Variants in STIL observed in about 807,000 individuals in gnomAD.
The protein encoded by STIL is SCL-interrupting locus protein.
STIL carries 55 observed loss-of-function variants against 110.1 expected under a neutral mutation model. The observed-to-expected ratio is 0.50, with a 90% CI of 0.40 to 0.63. The LOEUF (loss-of-function observed/expected upper bound fraction) is 0.63, where lower values mean the gene tolerates loss of function less well. Among genes scored for constraint, STIL ranks in the 20% least tolerant of loss-of-function variants. STIL has a pLI of 0.00. For missense variants in STIL, 1,358 were observed against 1,530.0 expected (o/e 0.89, Z 1.87); for synonymous variants, 481 against 530.0 (o/e 0.91, Z 1.27).
upstream of STIL, among the ~76,000 whole-genome samples, chr1:47,314,479 A>C (rs552712538): frequency 4.6e-5 from 7 of 152,372 alleles, no homozygotes; most frequent in South Asian, 6.2e-4. Context: ...AGCGAGTGGC[A>C]GATGAAGCCG....
intron 15 of STIL, among the ~76,000 whole-genome samples, chr1:47,262,084 AAAGT>A (rs1413413594): frequency 6.6e-6 from 1 of 152,148 alleles, no homozygotes; most frequent in African/African-American, 2.4e-5. Flanking sequence ...TCACTTTCTC[AAAGT>A]AAGAATGACC....
At chr1:47,259,479 C>CG (rs1644423610) in intron 16 of STIL, among the ~76,000 whole-genome samples, 1 of 151,316 alleles carries the variant, frequency 6.6e-6, no homozygotes, top group Admixed American at 6.6e-5. Flanking sequence ...TTAGTAGAGA[C>CG]GGGGTTTCAC....
intron 13 of STIL, among the ~76,000 whole-genome samples, chr1:47,271,765 C>G (rs1257734993): frequency 6.6e-6 from 1 of 151,158 alleles, no homozygotes. Flanking sequence ...TGAGAGTGCA[C>G]CACACTGCAC....
rs756376012 is a variant in STIL, at chr1:47,251,922, A to G, written c.3081T>C (p.Ser1027=). Residue 1027 remains serine, a splice_region_variant and synonymous_variant, in exon 17 of 17, where the codon AGT becomes AGC. Coordinates refer to ENST00000371877, the MANE Select transcript of STIL (RefSeq NM_001048166.1). ...CTTCTGGGCTGATGCATGCCAACAC[A>G]CTGAAAGACACAAAGTAGTAAGCCA... is the stretch of plus-strand genomic sequence containing the variant. ...KKNAHNVDHA[S]VLACISPEAV... is the part of the protein sequence containing the mutation. 6.2e-7 allele frequency: 1 copy of G among 1,610,426 alleles called. No individual in the cohort carries two copies. The highest frequency in any genetic ancestry group is 1.7e-5 in the Admixed American group (1 of 59,158).
At chr1:47,291,231 C>T (rs1645479077) in intron 8 of STIL, among the ~76,000 whole-genome samples, 1 of 151,890 alleles carries the variant, frequency 6.6e-6, no homozygotes, top group Admixed American at 6.6e-5. Flanking sequence ...CATGGTGGCA[C>T]ATGCCTGTAA....
chr1:47,310,429 C>A, intron 1 of STIL, 67 bp from the exon 2 acceptor site: 1 of 1,018,300 alleles, frequency 9.8e-7, no homozygotes. Flanking sequence ...GATTTAACCA[C>A]ATATTAAAAT....
chr1:47,268,793 T>A (rs949720693), intron 14 of STIL, among the ~76,000 whole-genome samples: 2 of 148,668 alleles, frequency 1.3e-5, no homozygotes, highest in Non-Finnish European at 3.0e-5. Flanking sequence ...ATAAATAAAT[T>A]AAATAAAAGA....
At chr1:47,258,169 G>A (rs1023959887) in intron 16 of STIL, among the ~76,000 whole-genome samples, 28 of 152,204 alleles carry the variant, frequency 1.8e-4, no homozygotes, top group African/African-American at 6.8e-4. Context: ...GACAAGAGGG[G>A]AAGGGTTAGG....
At chr1:47,277,220 C>T (rs139046822) in intron 12 of STIL, among the ~76,000 whole-genome samples, 6 of 151,994 alleles carry the variant, frequency 3.9e-5, no homozygotes, top group Middle Eastern at 3.4e-3. Context: ...AGCTGAAGAA[C>T]CTAAAGTATA....
intron 9 of STIL, among the ~76,000 whole-genome samples, chr1:47,289,068 A>AC (rs1645395743): frequency 6.7e-6 from 1 of 149,404 alleles, no homozygotes; most frequent in African/African-American, 2.5e-5. Flanking sequence ...TCTCAAAAAA[A>AC]AAAAAAAAAA....
chr1:47,289,955 A>AAC (rs1557753505), intron 8 of STIL, among the ~76,000 whole-genome samples: 4 of 149,870 alleles, frequency 2.7e-5, no homozygotes, highest in Admixed American at 6.7e-5. Flanking sequence ...AAAAAAAAAA[A>AAC]AAAGGAATAA....
At chr1:47,279,286 A>T (rs1645081524) in intron 12 of STIL, among the ~76,000 whole-genome samples, 1 of 148,536 alleles carries the variant, frequency 6.7e-6, no homozygotes, top group Non-Finnish European at 1.5e-5. Flanking sequence ...CCGTCTCAAA[A>T]AAAAAAAAAA....
chr1:47,301,648 A>G lies in STIL; in HGVS notation c.366T>C (p.Phe122=). The change falls in exon 5 of 17, where the codon TTT becomes TTC. Residue 122 remains phenylalanine, a synonymous_variant. Transcript: ENST00000371877. ...GAGTATGAACTTTGCATGGAATCAA[A>G]AAGTCCCCAGGAAGAGAAGCAGTAG... ...ITPTASLPGD[F]LIPCKVHTQE... 1.2e-6 allele frequency: 2 copies of G among 1,614,084 alleles called. No individual in the cohort carries two copies. The highest frequency in any genetic ancestry group is 1.6e-4 in the Middle Eastern group (1 of 6,062).
intron 13 of STIL, among the ~76,000 whole-genome samples, chr1:47,270,295 A>ACAG (rs1644798729): frequency 9.6e-6 from 1 of 104,028 alleles, no homozygotes; most frequent in Non-Finnish European, 2.2e-5. Flanking sequence ...CACACACACA[A>ACAG]TTACTTAGAA....
chr1:47,265,800 A>G (rs1295849958), intron 14 of STIL, among the ~76,000 whole-genome samples: 4 of 151,028 alleles, frequency 2.6e-5, no homozygotes, highest in Non-Finnish European at 4.4e-5. Context: ...AAAAAAAAAA[A>G]AAAAAAGAAA....
At chr1:47,297,742 T>C (rs1183726515) in intron 6 of STIL, among the ~76,000 whole-genome samples, 2 of 151,990 alleles carry the variant, frequency 1.3e-5, no homozygotes, top group African/African-American at 2.4e-5. Flanking sequence ...TGTGTGTCAA[T>C]GTACCTGGCA....
chr1:47,292,689 T>G (rs1645529795), intron 8 of STIL, among the ~76,000 whole-genome samples: 2 of 152,252 alleles, frequency 1.3e-5, no homozygotes, highest in South Asian at 4.1e-4. Context: ...TGTTGAGTAT[T>G]GAAATATTGA....
At chr1:47,297,473 T>G (rs1645674332) in intron 6 of STIL, among the ~76,000 whole-genome samples, 2 of 152,228 alleles carry the variant, frequency 1.3e-5, no homozygotes. Flanking sequence ...GTCAACATAT[T>G]CAATAGATAG....
chr1:47,299,306 C>G (rs1306825421), intron 6 of STIL, among the ~76,000 whole-genome samples: 1 of 151,702 alleles, frequency 6.6e-6, no homozygotes, highest in Non-Finnish European at 1.5e-5. Context: ...AAGATCCCAC[C>G]ACTGCACTCC....
Sources: allele counts gnomAD v4.1 joint callset (sites outside exome capture counted in the v4.1 genomes callset), GRCh38; gene constraint gnomAD v4.1.1; transcripts MANE v1.5; gene names NCBI Gene and HGNC (gene_info 2026-07-23, HGNC 2026-07-21).